Variants in SP3 observed in about 807,000 individuals in gnomAD.
SP3 encodes the protein transcription factor Sp3.
Under a neutral mutation model 70.3 loss-of-function variants are expected in SP3, and 10 were observed. That is an observed-to-expected ratio of 0.14 (90% confidence interval 0.09 to 0.24). The LOEUF is 0.24. SP3 is among the 10% of genes least tolerant of loss of function. The probability of loss-of-function intolerance (pLI) is 1.00; values close to 1 mark genes in which losing one functional copy is unlikely to be tolerated. For synonymous variants in SP3, 402 were observed against 333.5 expected, an observed-to-expected ratio of 1.21 and a Z score of -2.24; for missense variants, 825 against 914.6, an observed-to-expected ratio of 0.90 and a Z score of 1.26.
At chr2:173,938,590 G>GA (rs796893005) in intron 4 of SP3, among the ~76,000 whole-genome samples, 49 of 141,622 alleles carry the variant, frequency 3.5e-4, no homozygotes, top group African/African-American at 5.2e-4. Flanking sequence ...AAAGAATGCA[G>GA]AAAAAAAAAA....
rs1252309142 is a variant in SP3 at position 173,955,327 on chromosome 2, T to C, written c.1185A>G (p.Val395=). The C allele has an allele frequency of 1.2e-6, 2 of 1,614,110 alleles. No individual in the cohort carries two copies. Among genetic ancestry groups the C allele is most frequent in the African/African-American group, 1.3e-5 (1 of 75,056 alleles). The change falls in exon 4 of 7, where the codon GTA becomes GTG. Residue 395 remains valine (V), a synonymous_variant. Transcript: ENST00000310015. ...NIQVSTAQPV[V]QHLQLQESQQ... Reference sequence around the variant, plus strand: ...GAGACTCTTGAAGTTGTAGATGCTGTACAACAGGCTGTGCTGTAGAAACCT... The same window carrying C: ...GAGACTCTTGAAGTTGTAGATGCTGCACAACAGGCTGTGCTGTAGAAACCT...
chr2:173,922,092 A>G (rs1477711780), intron 4 of SP3, among the ~76,000 whole-genome samples: 2 of 152,130 alleles, frequency 1.3e-5, no homozygotes, highest in African/African-American at 2.4e-5. Flanking sequence ...AGATATTTCT[A>G]TATAGTAATA....
chr2:173,937,882 G>A (rs1039864812), intron 4 of SP3, among the ~76,000 whole-genome samples: 6 of 152,070 alleles, frequency 3.9e-5, no homozygotes, highest in Middle Eastern at 3.4e-3. Flanking sequence ...ATTTCATTAT[G>A]TACTGCTCAA....
intron 4 of SP3, among the ~76,000 whole-genome samples, chr2:173,922,768 C>A (rs10173522): frequency 0.41 from 62,023 of 151,908 alleles, 12,901 homozygotes; most frequent in Non-Finnish European, 0.44. Context: ...TTGTGGTAAT[C>A]ACTGGTGATC....
At position 173,925,567 on chromosome 2, in the gene SP3, T is replaced by C. The variant is rs143825850; in HGVS notation, c.1640-6782A>G. On this transcript the variant is annotated intron_variant, in intron 4 of 6. Transcript: ENST00000310015. ...TGTTAAGATGGTAAATTTAATGTTA[T>C]GTGTTTTTTACAATTTTTTTAAAAA... 6.5e-3 allele frequency among the ~76,000 whole-genome samples: 991 copies of C among 152,340 alleles called. 16 individuals are homozygous for C. Among genetic ancestry groups the C allele is most frequent in the East Asian group, 0.037 (192 of 5,180 alleles).
In SP3 at chr2:173,928,481, G is replaced by C. The variant is rs147407282; in HGVS notation, c.1640-9696C>G. 4.4e-3 allele frequency among the ~76,000 whole-genome samples: 656 copies of C among 150,710 alleles called. 4 individuals are homozygous for C. The highest frequency in any genetic ancestry group is 0.016 in the African/African-American group (636 of 40,810). ...CAACCAACAACAACAAAAACACATG[G>C]TTTGGGGTTTTCTTCCTTCATTAAA... On this transcript the variant is annotated intron_variant, in intron 4 of 6. Transcript: ENST00000310015.
At chr2:173,963,713 A>T in intron 3 of SP3, 48 bp downstream of exon 3, 2 of 776,352 alleles carry the variant, frequency 2.6e-6, no homozygotes, top group Non-Finnish European at 3.2e-6. Context: ...CGGGTCCGGG[A>T]TGGCGGGCGC....
At chr2:173,964,977 G>C in intron 1 of SP3, 188 bp downstream of exon 1, 1 of 716,838 alleles carries the variant, frequency 1.4e-6, no homozygotes, top group African/African-American at 1.9e-5. Context: ...GCGTTGCTGG[G>C]GCTTCGGGGG....
rs1380412451 is a variant in SP3, at chr2:173,965,167, G to A, written c.5C>T (p.Thr2Ile). The A allele has an allele frequency of 6.5e-7, 1 of 1,548,734 alleles. No individual in the cohort carries two copies. The highest frequency in any genetic ancestry group is 8.7e-7 in the Non-Finnish European group (1 of 1,146,308). The stretch of plus-strand genomic sequence containing the variant: ...GTTGCTCTCTCGGCTTTACGTACCG[G>A]TCATAGTGTGTTTAGGGCACCTCAG... M[T>I]APEKPVKQEE... Residue 2 changes from threonine to isoleucine, a missense_variant and splice_region_variant, in exon 1 of 7, where the codon ACC becomes ATC. Physicochemically the swap from Thr to Ile is moderately conservative, Grantham distance 89. Around this residue, in one of 4 missense-constraint regions of SP3, gnomAD observed 678 missense variants for 651.6 expected, o/e 1.04. Coordinates refer to ENST00000310015, the MANE Select transcript of SP3 (RefSeq NM_003111.5).
At chr2:173,939,083 A>G (rs1690290219) in intron 4 of SP3, among the ~76,000 whole-genome samples, 1 of 152,210 alleles carries the variant, frequency 6.6e-6, no homozygotes, top group African/African-American at 2.4e-5. Context: ...GCAGAGGTTG[A>G]GAAATCATAG....
At chr2:173,932,157 C>G (rs1444787185) in intron 4 of SP3, among the ~76,000 whole-genome samples, 2 of 152,166 alleles carry the variant, frequency 1.3e-5, no homozygotes, top group African/African-American at 4.8e-5. Context: ...CACTTGAACA[C>G]TTAGAGGCTA....
intron 5 of SP3, chr2:173,916,348 A>AAAATGGCTGACCAACTTTAG (rs1689618639): frequency 6.6e-6 from 1 of 151,998 alleles, no homozygotes; most frequent in African/African-American, 2.4e-5. Flanking sequence ...ACCAACTTTA[A>AAAATGGCTGACCAACTTTAG]TTTTTTGTGC....
chr2:173,943,828 G>A (rs940544993), intron 4 of SP3, among the ~76,000 whole-genome samples: 2 of 152,124 alleles, frequency 1.3e-5, no homozygotes, highest in Non-Finnish European at 2.9e-5. Context: ...TACATCATTA[G>A]GCGATTTCAT....
rs866313318 is a variant in SP3, at chr2:173,964,271, C to T, written c.156+134G>A. The T allele has an allele frequency of 1.8e-3, 882 of 481,314 alleles. 9 individuals are homozygous for T. Among genetic ancestry groups the T allele is most frequent in the South Asian group, 7.2e-3 (279 of 38,588 alleles). The allele number at this position is 481,314 out of a possible 1,614,324, so 29.8% of individuals were successfully genotyped here. A position where few individuals can be genotyped will look rare whatever the true frequency, so the allele number is the denominator to read the frequency against. Reference sequence around the variant, plus strand: ...GTTGGCGCCTCGGGCGGGCAGCTCCCGGGGCGGGGGGAGGGGAGTGGAGGG... The same window carrying T: ...GTTGGCGCCTCGGGCGGGCAGCTCCTGGGGCGGGGGGAGGGGAGTGGAGGG... On this transcript the variant is annotated intron_variant, in intron 2 of 6. Coordinates refer to ENST00000310015, the MANE Select transcript of SP3 (RefSeq NM_003111.5).
intron 4 of SP3, among the ~76,000 whole-genome samples, chr2:173,940,537 T>G (rs532792470): frequency 6.6e-6 from 1 of 152,058 alleles, no homozygotes; most frequent in Non-Finnish European, 1.5e-5. Context: ...ACTAACAAAC[T>G]GAGAATGGAG....
intron 4 of SP3, among the ~76,000 whole-genome samples, chr2:173,923,759 T>C (rs1046429207): frequency 3.0e-5 from 4 of 131,384 alleles, no homozygotes; most frequent in Non-Finnish European, 6.5e-5. Context: ...TAAATCAAAT[T>C]TGATTTAGAA....
chr2:173,903,958 A>C lies in SP3; in HGVS notation c.*5983T>G, dbSNP rs779749953. 1.5e-5 allele frequency among the ~76,000 whole-genome samples: 2 copies of C among 136,930 alleles called. No individual in the cohort carries two copies. Among genetic ancestry groups the C allele is most frequent in the Non-Finnish European group, 3.1e-5 (2 of 64,428 alleles). The allele number at this position is 136,930 out of a possible 152,430, so 89.8% of individuals were successfully genotyped here. A position where few individuals can be genotyped will look rare whatever the true frequency, so the allele number is the denominator to read the frequency against. The stretch of plus-strand genomic sequence containing the variant: ...GTCCCCAAACTTTTTGGCACCAGGG[A>C]CTAGTTTTGAGGAAGACAATTTTTT... On this transcript the variant is annotated 3_prime_UTR_variant, in exon 7 of 7. Transcript: ENST00000310015.
Position 173,964,537 on chromosome 2 carries a change from C to T in SP3, c.24G>A (p.Val8=), listed in dbSNP as rs1379315461. MTAPEKP[V]KQEEMAALDV... ...CCAAGGCAGCCATTTCCTCTTGTTT[C>T]ACGGGCTTTTCGGGAGCTGCAGGCA... Residue 8 remains valine, a synonymous_variant, in exon 2 of 7, where the codon GTG becomes GTA. Transcript: ENST00000310015. 2 of 668,258 alleles carry T rather than the reference C, an allele frequency of 3.0e-6. No individual in the cohort carries two copies. The highest frequency in any genetic ancestry group is 5.6e-6 in the Non-Finnish European group (2 of 358,224). 41.4% of individuals were successfully genotyped at this position (668,258 alleles called of 1,614,324 possible). A position where few individuals can be genotyped will look rare whatever the true frequency, so the allele number is the denominator to read the frequency against.
chr2:173,947,494 C>T (rs559103241), intron 4 of SP3, among the ~76,000 whole-genome samples: 71 of 152,050 alleles, frequency 4.7e-4, no homozygotes, highest in African/African-American at 1.6e-3. Flanking sequence ...AGATGCACTC[C>T]GATTTCAAAA....
Sources: gnomAD v4.1 joint callset for allele counts (sites outside exome capture counted in the v4.1 genomes callset) on GRCh38, gnomAD v4.1.1 for gene constraint, gnomAD v4.1.1 regional missense constraint, MANE v1.5 for transcripts, NCBI Gene and HGNC (gene_info 2026-07-23, HGNC 2026-07-21) for gene names.